FRMPD4: variants seen among roughly 807,000 people sequenced by gnomAD.
FRMPD4 encodes the protein FERM and PDZ domain containing 4.
FRMPD4 carries 22 observed loss-of-function variants against 94.1 expected under a neutral mutation model. The ratio of observed to expected loss-of-function variants is 0.23; its 90% CI spans 0.17 to 0.33. The LOEUF (loss-of-function observed/expected upper bound fraction) is 0.33, where lower values mean the gene tolerates loss of function less well. Among genes scored for constraint, FRMPD4 ranks in the 10% least tolerant of loss-of-function variants. FRMPD4 has a pLI of 1.00. For missense variants in FRMPD4, 1,111 were observed against 1,339.9 expected (o/e 0.83, Z 2.67); for synonymous variants, 631 against 548.6 (o/e 1.15, Z -2.10).
chrX:12,034,826 G>A (rs560791070), intron 3 of FRMPD4, among the ~76,000 whole-genome samples: 6 of 112,318 alleles, frequency 5.3e-5, no homozygotes, highest in African/African-American at 1.9e-4. Flanking sequence ...ATGGCCATGC[G>A]TATGTGTGCG....
intron 1 of FRMPD4, among the ~76,000 whole-genome samples, chrX:12,489,200 G>A (rs1401800527): frequency 8.9e-6 from 1 of 111,851 alleles, no homozygotes; most frequent in African/African-American, 3.2e-5. Context: ...AATGGAATGG[G>A]AGATAATTAT....
At chrX:12,621,985 A>AGAAG (rs2059296945) in intron 4 of FRMPD4, among the ~76,000 whole-genome samples, 1 of 35,104 alleles carries the variant, frequency 2.8e-5, no homozygotes, top group East Asian at 7.3e-4. Flanking sequence ...AAAGAAAGAA[A>AGAAG]GAAAGAAAGA....
chrX:11,864,208 T>C (rs1569113885), intron 1 of FRMPD4, among the ~76,000 whole-genome samples: 1 of 109,682 alleles, frequency 9.1e-6, no homozygotes, highest in Admixed American at 9.9e-5. Context: ...GAAAATAACA[T>C]CTACGGGAAT....
intron 1 of FRMPD4, among the ~76,000 whole-genome samples, chrX:11,830,245 T>C (rs2053467564): frequency 8.9e-6 from 1 of 112,120 alleles, no homozygotes. Context: ...AAACAACTTT[T>C]CTTTTTTCAA....
At chrX:12,651,826 T>G (rs1233662137) in intron 4 of FRMPD4, among the ~76,000 whole-genome samples, 1 of 112,606 alleles carries the variant, frequency 8.9e-6, no homozygotes, top group East Asian at 2.7e-4. Flanking sequence ...CAAATTGATT[T>G]GAATTGCATA....
intron 2 of FRMPD4, among the ~76,000 whole-genome samples, chrX:11,868,620 C>T (rs2053737212): frequency 8.9e-6 from 1 of 112,082 alleles, no homozygotes; most frequent in African/African-American, 3.2e-5. Flanking sequence ...GAACTTGGAA[C>T]CAACCATATC....
At chrX:12,479,385 T>TATATATATACATACATACAC (rs1555971391) in intron 1 of FRMPD4, among the ~76,000 whole-genome samples, 5 of 84,576 alleles carry the variant, frequency 5.9e-5, no homozygotes, top group African/African-American at 2.4e-4. Context: ...TATATACACA[T>TATATATATACATACATACAC]ATATATATAC....
At chrX:12,290,076 A>C (rs1339328469) in intron 1 of FRMPD4, among the ~76,000 whole-genome samples, 1 of 111,847 alleles carries the variant, frequency 8.9e-6, no homozygotes, top group Non-Finnish European at 1.9e-5. Flanking sequence ...CCCACATAGT[A>C]GCCAGGCAAG....
At chrX:12,589,651 T>C (rs2058964005) in intron 2 of FRMPD4, among the ~76,000 whole-genome samples, 1 of 111,959 alleles carries the variant, frequency 8.9e-6, no homozygotes, top group South Asian at 3.8e-4. Flanking sequence ...TTCTGAGACA[T>C]GCCTATGAAA....
chrX:12,237,697 A>G (rs932423393), intron 1 of FRMPD4, among the ~76,000 whole-genome samples: 3 of 111,872 alleles, frequency 2.7e-5, no homozygotes, highest in Non-Finnish European at 5.6e-5. Context: ...ATTTTCAAGA[A>G]GCTTTATGTT....
intron 2 of FRMPD4, among the ~76,000 whole-genome samples, chrX:12,548,849 G>A (rs745629180): frequency 9.0e-6 from 1 of 111,489 alleles, no homozygotes; most frequent in African/African-American, 3.3e-5. Flanking sequence ...AGCTAAGCCT[G>A]TGTTGGGAAG....
intron 3 of FRMPD4, among the ~76,000 whole-genome samples, chrX:12,059,952 C>T (rs2054875800): frequency 9.0e-6 from 1 of 111,546 alleles, no homozygotes; most frequent in African/African-American, 3.3e-5. Flanking sequence ...AATAACACTA[C>T]TGGGTATCTA....
chrX:11,959,459 C>T (rs902122240), intron 3 of FRMPD4, among the ~76,000 whole-genome samples: 12 of 112,285 alleles, frequency 1.1e-4, no homozygotes, highest in African/African-American at 3.9e-4. Context: ...AGCATTAGCA[C>T]CATCCAAGGG....
chrX:12,587,377 T>C (rs2058940501), intron 2 of FRMPD4, among the ~76,000 whole-genome samples: 1 of 111,894 alleles, frequency 8.9e-6, no homozygotes, highest in Non-Finnish European at 1.9e-5. Context: ...CACTATCTAG[T>C]TCCAGAACAT....
At chrX:11,921,776 T>C (rs1173707024) in intron 3 of FRMPD4, among the ~76,000 whole-genome samples, 2 of 112,375 alleles carry the variant, frequency 1.8e-5, no homozygotes, top group African/African-American at 6.5e-5. Context: ...TTTGTTGTCA[T>C]AGGCTATTGA....
intron 1 of FRMPD4, among the ~76,000 whole-genome samples, chrX:12,392,983 T>TA (rs2056497144): frequency 9.0e-6 from 1 of 111,611 alleles, no homozygotes; most frequent in Admixed American, 9.5e-5. Context: ...AAAATAAAAA[T>TA]AAAAAAAGAA....
chrX:11,896,343 C>A (rs891900961), intron 3 of FRMPD4, among the ~76,000 whole-genome samples: 9 of 112,026 alleles, frequency 8.0e-5, no homozygotes, highest in Non-Finnish European at 1.5e-4. Context: ...ATGTCCCCCA[C>A]AAAATTCAGA....
chrX:12,209,370 A>G (rs978071081), intron 1 of FRMPD4, among the ~76,000 whole-genome samples: 2 of 112,601 alleles, frequency 1.8e-5, no homozygotes, highest in East Asian at 5.5e-4. Context: ...AAAAACCAGT[A>G]TATGTACTAT....
intron 3 of FRMPD4, among the ~76,000 whole-genome samples, chrX:12,109,647 A>G (rs1222797006): frequency 1.8e-5 from 2 of 111,823 alleles, no homozygotes; most frequent in Non-Finnish European, 3.8e-5. Flanking sequence ...TGGTTTTTTG[A>G]AAAGATCAAC....
Sources: gnomAD v4.1 joint callset for allele counts (sites outside exome capture counted in the v4.1 genomes callset) on GRCh38, gnomAD v4.1.1 for gene constraint, MANE v1.5 for transcripts, NCBI Gene and HGNC (gene_info 2026-07-23, HGNC 2026-07-21) for gene names.